NAALADL2: variants seen among roughly 807,000 people sequenced by gnomAD.
The protein encoded by NAALADL2 is N-acetylated alpha-linked acidic dipeptidase like 2.
In NAALADL2, 76 loss-of-function variants were observed where a neutral mutation model predicts 87.2. That is an observed-to-expected ratio of 0.87 (90% confidence interval 0.72 to 1.05). The LOEUF (loss-of-function observed/expected upper bound fraction) is 1.05, where lower values mean the gene tolerates loss of function less well. Ranked by LOEUF, NAALADL2 falls within the 50% of genes least tolerant of loss-of-function variation. NAALADL2 has a pLI of 0.00. For synonymous variants in NAALADL2, 354 were observed against 331.0 expected (o/e 1.07, Z -0.75); for missense variants, 1,089 against 945.8 (o/e 1.15, Z -1.99).
chr3:175,467,492 A>G (rs956408235), intron 8 of NAALADL2, among the ~76,000 whole-genome samples: 1 of 151,812 alleles, frequency 6.6e-6, no homozygotes, highest in Non-Finnish European at 1.5e-5. Flanking sequence ...GGCACTGGAC[A>G]AAAAAGGATC....
intron 1 of NAALADL2, among the ~76,000 whole-genome samples, chr3:174,924,123 A>G (rs997916787): frequency 6.6e-6 from 1 of 152,018 alleles, no homozygotes; most frequent in Non-Finnish European, 1.5e-5. Context: ...CAAGTTTATT[A>G]CATATGTATA....
intron 13 of NAALADL2, among the ~76,000 whole-genome samples, chr3:175,775,795 A>C (rs1266475986): frequency 6.6e-6 from 1 of 152,156 alleles, no homozygotes. Flanking sequence ...ATAATGTGTT[A>C]ACATCACAGG....
rs1553854968 is a variant in NAALADL2, at chr3:174,786,463, A to AAT, written c.-9+48718_-9+48719insTA. 4.8e-4 allele frequency among the ~76,000 whole-genome samples: 68 copies of AAT among 140,624 alleles called. No homozygotes were observed. The Middle Eastern group carries it at 0.011, about 23-fold the overall frequency. The allele number at this position is 140,624 out of a possible 152,430, so 92.3% of individuals were successfully genotyped here. A position where few individuals can be genotyped will look rare whatever the true frequency, so the allele number is the denominator to read the frequency against. ...AGACTCTGTCTCAAAAAAAAAAAAA[A>AAT]AAATAATAAATAAATGAAAAGGAGA... is the stretch of plus-strand genomic sequence containing the variant. On this transcript the variant is annotated intron_variant, in intron 3 of 3. Coordinates refer to the NAALADL2 transcript ENST00000434257.
chr3:175,745,239 C>T (rs989414879), intron 12 of NAALADL2, among the ~76,000 whole-genome samples: 3 of 152,126 alleles, frequency 2.0e-5, no homozygotes, highest in South Asian at 2.1e-4. Context: ...GACTGAGTAA[C>T]CTTGGCTCTT....
intron 11 of NAALADL2, among the ~76,000 whole-genome samples, chr3:175,721,887 A>T (rs1278141746): frequency 6.6e-6 from 1 of 152,034 alleles, no homozygotes; most frequent in African/African-American, 2.4e-5. Context: ...ATTGTTTTTT[A>T]ATGCATTATA....
chr3:175,120,295 G>A (rs1362508633), intron 2 of NAALADL2, among the ~76,000 whole-genome samples: 1 of 151,646 alleles, frequency 6.6e-6, no homozygotes, highest in Non-Finnish European at 1.5e-5. Context: ...TAAAACCCCT[G>A]TTTAATGTGC....
At chr3:174,963,455 A>C (rs1228772633) in intron 1 of NAALADL2, among the ~76,000 whole-genome samples, 2 of 152,084 alleles carry the variant, frequency 1.3e-5, no homozygotes, top group Non-Finnish European at 2.9e-5. Context: ...AAAAATTATG[A>C]CTGATTAGAT....
chr3:174,626,924 T>C (rs918868228), intron 2 of NAALADL2, among the ~76,000 whole-genome samples: 3 of 152,068 alleles, frequency 2.0e-5, no homozygotes, highest in Non-Finnish European at 2.9e-5. Context: ...TAAAAATACA[T>C]ATTATTAAAA....
Position 175,690,298 on chromosome 3 carries a change from G to T in NAALADL2, c.1897-47008G>T, listed in dbSNP as rs150649698. On this transcript the variant is annotated intron_variant, in intron 11 of 13. Transcript: ENST00000454872. ...AGGCACTGGAGAAATAATATTCAGG[G>T]CCTTTGTACTGTATTCTCACATCTG... Among the ~76,000 whole-genome samples, 1,181 of 152,044 alleles carry T rather than the reference G, an allele frequency of 7.8e-3. 16 individuals carry two copies. The highest frequency in any genetic ancestry group is 0.027 in the African/African-American group (1,112 of 41,498).
chr3:174,574,791 T>C (rs1040231045), intron 2 of NAALADL2, among the ~76,000 whole-genome samples: 85 of 152,268 alleles, frequency 5.6e-4, no homozygotes, highest in Non-Finnish European at 4.4e-5. Context: ...TATGTACTGA[T>C]TGGCTACCTT....
chr3:175,584,531 T>C (rs1451749752), intron 10 of NAALADL2, among the ~76,000 whole-genome samples: 1 of 152,216 alleles, frequency 6.6e-6, no homozygotes, highest in Admixed American at 6.5e-5. Flanking sequence ...TAGTCATGTG[T>C]CTCTAATGAT....
chr3:174,957,882 CTAAT>C (rs1323309360), intron 1 of NAALADL2, among the ~76,000 whole-genome samples: 1 of 151,938 alleles, frequency 6.6e-6, no homozygotes, highest in Non-Finnish European at 1.5e-5. Flanking sequence ...CCATTTTTGT[CTAAT>C]TAATTCCTGC....
intron 1 of NAALADL2, among the ~76,000 whole-genome samples, chr3:174,942,937 C>T (rs949617292): frequency 5.9e-5 from 9 of 152,148 alleles, no homozygotes; most frequent in Non-Finnish European, 1.2e-4. Context: ...TCCTGCATCA[C>T]TTTATTGTGA....
intron 1 of NAALADL2, among the ~76,000 whole-genome samples, chr3:175,036,430 C>T (rs1355711336): frequency 4.6e-5 from 7 of 150,868 alleles, no homozygotes; most frequent in Non-Finnish European, 8.8e-5. Context: ...GACAGAGTCT[C>T]GCTCTGTCAC....
chr3:175,064,521 GGAGAGTTAGGTAGAAGACATCACT>G (rs1714186285), intron 1 of NAALADL2, among the ~76,000 whole-genome samples: 1 of 151,908 alleles, frequency 6.6e-6, no homozygotes, highest in Non-Finnish European at 1.5e-5. Flanking sequence ...CAGTCTGAAA[GGAGAGTTAGGTAGAAGACATCACT>G]GGAGTAGCCG....
At chr3:175,642,369 T>C (rs1476204008) in intron 11 of NAALADL2, among the ~76,000 whole-genome samples, 1 of 152,202 alleles carries the variant, frequency 6.6e-6, no homozygotes, top group Non-Finnish European at 1.5e-5. Context: ...AAGATGTTCA[T>C]GCAAGAAGAA....
intron 1 of NAALADL2, among the ~76,000 whole-genome samples, chr3:174,920,581 A>G (rs567166243): frequency 2.0e-5 from 3 of 152,270 alleles, no homozygotes; most frequent in South Asian, 2.1e-4. Flanking sequence ...TTATCCTTCC[A>G]TTCATACCAC....
At chr3:175,520,517 C>T (rs543345790) in intron 9 of NAALADL2, among the ~76,000 whole-genome samples, 1 of 151,932 alleles carries the variant, frequency 6.6e-6, no homozygotes, top group South Asian at 2.1e-4. Flanking sequence ...CCAGGATGGT[C>T]TCGATCTCCT....
At chr3:174,601,266 C>T (rs370193495) in intron 2 of NAALADL2, among the ~76,000 whole-genome samples, 8 of 152,122 alleles carry the variant, frequency 5.3e-5, no homozygotes, top group Non-Finnish European at 7.4e-5. Context: ...AACAGTTGTG[C>T]GAGGGTTTCC....
Sources: allele counts gnomAD v4.1 joint callset (sites outside exome capture counted in the v4.1 genomes callset), GRCh38; gene constraint gnomAD v4.1.1; transcripts MANE v1.5; gene names NCBI Gene and HGNC (gene_info 2026-07-23, HGNC 2026-07-21).